The following SLIT2 variants were observed in gnomAD, a reference collection of about 807,000 sequenced individuals.
SLIT2 encodes slit guidance ligand 2, also known as slit homolog 2 protein.
SLIT2 carries 41 observed loss-of-function variants against 185.7 expected under a neutral mutation model. The observed-to-expected ratio is 0.22, with a 90% confidence interval of 0.17 to 0.29. The LOEUF (loss-of-function observed/expected upper bound fraction) is 0.29. Ranked by LOEUF, SLIT2 falls within the 10% of genes least tolerant of loss-of-function variation. The pLI, the probability that SLIT2 is intolerant of heterozygous loss-of-function variation, is 1.00. For missense variants in SLIT2, 1,571 were observed against 1,909.0 expected, an observed-to-expected ratio of 0.82 and a Z score of 3.30; for synonymous variants, 693 against 680.2, an observed-to-expected ratio of 1.02 and a Z score of -0.29.
intron 8 of SLIT2, chr4:20,490,693 A>C (rs1717706339): frequency 6.6e-6 from 5 of 754,046 alleles, no homozygotes; most frequent in Non-Finnish European, 4.3e-6. Flanking sequence ...ATATCATGGA[A>C]TGTTCTCAAT....
chr4:20,420,151 G>A (rs73108635), intron 4 of SLIT2, among the ~76,000 whole-genome samples: 6 of 152,090 alleles, frequency 3.9e-5, no homozygotes, highest in Non-Finnish European at 5.9e-5. Context: ...ATAACTACCC[G>A]AACACAACTC....
At chr4:20,470,042 A>G (rs1488857743) in intron 5 of SLIT2, among the ~76,000 whole-genome samples, 2 of 152,128 alleles carry the variant, frequency 1.3e-5, no homozygotes, top group Admixed American at 6.5e-5. Context: ...GGTGTGAGCC[A>G]CTGTGCCTGG....
intron 5 of SLIT2, among the ~76,000 whole-genome samples, chr4:20,477,452 G>T (rs1243094738): frequency 6.6e-6 from 1 of 152,020 alleles, no homozygotes; most frequent in African/African-American, 2.4e-5. Flanking sequence ...ACCTGCCTCG[G>T]CCTCCCAAGG....
chr4:20,428,156 A>G (rs1378094251), intron 4 of SLIT2, among the ~76,000 whole-genome samples: 4 of 152,236 alleles, frequency 2.6e-5, no homozygotes, highest in Admixed American at 2.6e-4. Flanking sequence ...TCTTGGATTC[A>G]AATTTTAGTA....
chr4:20,611,258 G>C (rs868093168), intron 34 of SLIT2, among the ~76,000 whole-genome samples: 1 of 152,092 alleles, frequency 6.6e-6, no homozygotes, highest in Admixed American at 6.6e-5. Context: ...CTTCTTTTCA[G>C]TGCCTCTAAG....
At chr4:20,449,358 G>T (rs954435058) in intron 4 of SLIT2, among the ~76,000 whole-genome samples, 16 of 152,102 alleles carry the variant, frequency 1.1e-4, no homozygotes, top group African/African-American at 3.9e-4. Context: ...TATTGGTTTT[G>T]TTCTATTCCA....
At position 20,595,708 on chromosome 4, in the gene SLIT2, C is replaced by T. The variant is rs763312141; in HGVS notation, c.3194C>T (p.Thr1065Ile). Residue 1065 changes from threonine to isoleucine, a missense_variant, in exon 31 of 37, where the codon ACA (threonine) becomes ATA (isoleucine). Around this residue, in one of 3 missense-constraint regions of SLIT2, gnomAD observed 1,202 missense variants for 1,416.4 expected, o/e 0.85. Coordinates refer to ENST00000504154, the MANE Select transcript of SLIT2 (RefSeq NM_004787.4). ...GCTTGTTCCAACAGATGTGACTGCA[C>T]ACCAGGGTACGTAGGTGAACACTGC... ...LTPKGFKCDCTPGYVGEHCDI... is the reference protein window; with the variant it reads ...LTPKGFKCDCIPGYVGEHCDI... 2 of 1,614,020 alleles carry T rather than the reference C, an allele frequency of 1.2e-6. No homozygotes were observed. Among genetic ancestry groups the T allele is most frequent in the South Asian group, 1.1e-5 (1 of 91,066 alleles).
intron 4 of SLIT2, among the ~76,000 whole-genome samples, chr4:20,278,275 C>A (rs958594001): frequency 6.6e-6 from 1 of 151,714 alleles, no homozygotes; most frequent in Non-Finnish European, 1.5e-5. Context: ...CAGGATAAAA[C>A]CCACTCTCTG....
At chr4:20,293,642 C>A (rs150124279) in intron 4 of SLIT2, among the ~76,000 whole-genome samples, 2 of 152,284 alleles carry the variant, frequency 1.3e-5, no homozygotes, top group African/African-American at 4.8e-5. Flanking sequence ...AAACCATTTC[C>A]CATCTTCTAC....
intron 5 of SLIT2, among the ~76,000 whole-genome samples, chr4:20,470,901 T>C (rs2148750309): frequency 6.6e-6 from 1 of 152,216 alleles, no homozygotes; most frequent in South Asian, 2.1e-4. Flanking sequence ...GTGTCTTGAA[T>C]AGCCGCAGTG....
intron 9 of SLIT2, among the ~76,000 whole-genome samples, chr4:20,494,637 G>A (rs1349708280): frequency 6.6e-6 from 1 of 151,870 alleles, no homozygotes; most frequent in Non-Finnish European, 1.5e-5. Flanking sequence ...AAATTAGCCG[G>A]GCGTGGTCGT....
intron 4 of SLIT2, among the ~76,000 whole-genome samples, chr4:20,438,986 T>A (rs1461064929): frequency 6.6e-6 from 1 of 152,230 alleles, no homozygotes; most frequent in African/African-American, 2.4e-5. Context: ...TGTTTACTTA[T>A]CTGCTGTTGT....
intron 4 of SLIT2, among the ~76,000 whole-genome samples, chr4:20,271,076 G>T (rs1156672019): frequency 6.6e-6 from 1 of 151,848 alleles, no homozygotes; most frequent in African/African-American, 2.4e-5. Context: ...GAAAAGCAAG[G>T]GTACAAGTTC....
intron 26 of SLIT2, among the ~76,000 whole-genome samples, chr4:20,562,228 G>T (rs1001905225): frequency 1.3e-5 from 2 of 151,674 alleles, no homozygotes; most frequent in South Asian, 2.1e-4. Flanking sequence ...ATCTTTATTT[G>T]CTGTCTTTAC....
intron 4 of SLIT2, among the ~76,000 whole-genome samples, chr4:20,399,975 A>G (rs1343879257): frequency 6.6e-6 from 1 of 151,716 alleles, no homozygotes; most frequent in Admixed American, 6.6e-5. Context: ...AGAGAAATAC[A>G]GGTGTGATGT....
intron 4 of SLIT2, among the ~76,000 whole-genome samples, chr4:20,370,671 C>G (rs201562038): frequency 6.6e-6 from 1 of 151,478 alleles, no homozygotes; most frequent in Admixed American, 6.6e-5. Context: ...TTCCCAAATT[C>G]TTGACCTTGG....
At chr4:20,480,851 G>C in intron 6 of SLIT2, 64 bp downstream of exon 6, 1 of 1,152,782 alleles carries the variant, frequency 8.7e-7, no homozygotes, top group Non-Finnish European at 1.3e-6. Context: ...GACTAATGTG[G>C]AAGCTTATCT....
intron 29 of SLIT2, among the ~76,000 whole-genome samples, chr4:20,586,237 A>G (rs1727048049): frequency 6.6e-6 from 1 of 152,224 alleles, no homozygotes; most frequent in South Asian, 2.1e-4. Context: ...TAGTCAGGGA[A>G]AATTCACAGT....
In SLIT2 at chr4:20,307,799, G is replaced by T. The variant is rs75685166; in HGVS notation, c.395+38918G>T. ...GTAATATTATGTCCATGCATTTAAG[G>T]ACATGAATCTCACAGGCAGTAACTT... On this transcript the variant is annotated intron_variant, in intron 4 of 36. Coordinates refer to ENST00000504154, the MANE Select transcript of SLIT2 (RefSeq NM_004787.4). 5.8e-3 allele frequency among the ~76,000 whole-genome samples: 886 copies of T among 152,216 alleles called. 6 individuals carry two copies. Among genetic ancestry groups the T allele is most frequent in the African/African-American group, 0.02 (820 of 41,540 alleles).
Sources: allele counts gnomAD v4.1 joint callset (sites outside exome capture counted in the v4.1 genomes callset), GRCh38; gene constraint gnomAD v4.1.1; regional missense constraint gnomAD v4.1.1; transcripts MANE v1.5; gene names NCBI Gene and HGNC (gene_info 2026-07-23, HGNC 2026-07-21).